Variants in GTPBP4 observed in about 807,000 individuals in gnomAD.
GTPBP4 encodes the protein GTP binding protein 4.
GTPBP4 carries 15 observed loss-of-function variants against 81.7 expected under a neutral mutation model. The observed-to-expected ratio is 0.18, with a 90% CI of 0.12 to 0.28. GTPBP4 has a LOEUF of 0.28. Ranked by LOEUF, GTPBP4 falls within the 10% of genes least tolerant of loss-of-function variation. The pLI is 1.00. For missense variants in GTPBP4, 847 were observed against 793.8 expected (o/e 1.07, Z -0.81); for synonymous variants, 272 against 274.6 (o/e 0.99, Z 0.09).
intron 8 of GTPBP4, among the ~76,000 whole-genome samples, chr10:1,001,958 C>T (rs1187377803): frequency 6.8e-6 from 1 of 147,314 alleles, no homozygotes; most frequent in Non-Finnish European, 1.5e-5. Context: ...GAGTCTCGCT[C>T]TGTCACTGAG....
intron 8 of GTPBP4, among the ~76,000 whole-genome samples, chr10:1,002,882 C>T (rs1271266368): frequency 2.0e-5 from 3 of 152,120 alleles, no homozygotes; most frequent in Admixed American, 6.5e-5. Context: ...CTATAATGTG[C>T]CTTGGGGAAG....
chr10:990,591 CGG>C (rs1333359334), intron 1 of GTPBP4, among the ~76,000 whole-genome samples: 1 of 151,294 alleles, frequency 6.6e-6, no homozygotes, highest in South Asian at 2.1e-4. Flanking sequence ...GGCGTGGTGG[CGG>C]GCGCCTGTAG....
chr10:1,002,947 C>T (rs1008152343), intron 8 of GTPBP4, among the ~76,000 whole-genome samples: 3 of 152,210 alleles, frequency 2.0e-5, no homozygotes, highest in African/African-American at 7.2e-5. Context: ...TTTTAGATGT[C>T]TATACCTCTC....
rs869154759 is a variant in GTPBP4, at chr10:989,114, C to CT, written c.48+610dup. 7.3e-3 allele frequency among the ~76,000 whole-genome samples: 747 copies of CT among 101,988 alleles called. 6 individuals carry two copies. The highest frequency in any genetic ancestry group is 0.032 in the East Asian group (116 of 3,588). 66.9% of individuals were successfully genotyped at this position (101,988 alleles called of 152,430 possible). A position where few individuals can be genotyped will look rare whatever the true frequency, so the allele number is the denominator to read the frequency against. ...AGTCAACAAGTGTTGAGTATTAGGA[C>CT]TTTTTTTTTTTTTTTTTTTTTTTGA... On this transcript the variant is annotated intron_variant, in intron 1 of 16. Coordinates refer to ENST00000360803, the MANE Select transcript of GTPBP4 (RefSeq NM_012341.3).
chr10:996,929 A>G (rs1831547071), intron 4 of GTPBP4: 1 of 408,464 alleles, frequency 2.4e-6, no homozygotes, highest in Admixed American at 4.3e-5. Context: ...ACTGCCAGAC[A>G]TGCTGTTGGC....
At chr10:995,798 CT>C in intron 2 of GTPBP4, 130 bp from the exon 3 acceptor site, 1 of 619,228 alleles carries the variant, frequency 1.6e-6, no homozygotes, top group South Asian at 2.0e-5. Context: ...GACAGGGCCC[CT>C]GGCCAGGAGA....
chr10:1,001,564 G>T (rs927991013), intron 8 of GTPBP4, among the ~76,000 whole-genome samples: 2 of 152,182 alleles, frequency 1.3e-5, no homozygotes, highest in Admixed American at 1.3e-4. Flanking sequence ...CACTGGTGGA[G>T]TGGCTTTCAA....
chr10:1,010,397 A>G, intron 12 of GTPBP4, 23 bp from the exon 13 acceptor site: 1 of 1,262,996 alleles, frequency 7.9e-7, no homozygotes, highest in Non-Finnish European at 1.2e-6. Flanking sequence ...CTGTAAACGT[A>G]ACCACCTTTT....
intron 11 of GTPBP4, 74 bp downstream of exon 11, chr10:1,009,109 G>A: frequency 1.7e-6 from 2 of 1,170,552 alleles, no homozygotes; most frequent in South Asian, 2.5e-5. Flanking sequence ...TGGGGGCCTG[G>A]GGCATCGAAC....
At chr10:991,470 C>G (rs1831441341) in intron 1 of GTPBP4, among the ~76,000 whole-genome samples, 2 of 152,084 alleles carry the variant, frequency 1.3e-5, no homozygotes, top group South Asian at 4.2e-4. Flanking sequence ...TCAAATAGTT[C>G]CCTTCCATCT....
chr10:990,591 C>T (rs1267539084), intron 1 of GTPBP4, among the ~76,000 whole-genome samples: 1 of 151,292 alleles, frequency 6.6e-6, no homozygotes, highest in Non-Finnish European at 1.5e-5. Context: ...GGCGTGGTGG[C>T]GGGCGCCTGT....
chr10:990,683 G>T (rs1052620449), intron 1 of GTPBP4, among the ~76,000 whole-genome samples: 3 of 139,628 alleles, frequency 2.1e-5, no homozygotes, highest in Admixed American at 1.5e-4. Flanking sequence ...AACCGAGATC[G>T]CGCCACTGCA....
In GTPBP4 at chr10:1,008,664, A is replaced by G. The variant is rs142518159; in HGVS notation, c.1114-294A>G. On this transcript the variant is annotated intron_variant, in intron 10 of 16. Transcript: ENST00000360803. ...TCTTCCATAATTTTTCATGATAATC[A>G]TGATTTCTGTTTTTCCTGGATAAAC... is the stretch of plus-strand genomic sequence containing the variant. Among the ~76,000 whole-genome samples, 4 of 152,260 alleles carry G rather than the reference A, an allele frequency of 2.6e-5. No individual in the cohort carries two copies. The East Asian group carries it at 7.7e-4, about 29-fold the overall frequency.
In GTPBP4 at chr10:1,012,492, G is replaced by T; in HGVS notation, c.1372G>T (p.Glu458Ter). 6.2e-7 allele frequency: 1 copy of T among 1,603,508 alleles called. No homozygotes were observed. The highest frequency in any genetic ancestry group is 8.5e-7 in the Non-Finnish European group (1 of 1,175,482). The part of the protein sequence containing the change: ...KKLEELEKEE[E>*]LRTAAGEYDS... ...ATTGGAAGAATTAGAAAAAGAAGAAGAGCTGAGAACAGCTGCTGGAGAGTA... is the reference window on the plus strand; with the variant it reads ...ATTGGAAGAATTAGAAAAAGAAGAATAGCTGAGAACAGCTGCTGGAGAGTA... The change falls in exon 14 of 17, where the codon GAG becomes TAG. Residue 458 changes from glutamate to a stop codon, truncating the protein, a stop_gained. Transcript: ENST00000360803. LOFTEE classifies it high-confidence loss of function.
At chr10:989,967 T>C (rs1831413867) in intron 1 of GTPBP4, among the ~76,000 whole-genome samples, 1 of 152,130 alleles carries the variant, frequency 6.6e-6, no homozygotes, top group Admixed American at 6.6e-5. Context: ...GAACTCCTAA[T>C]CTCAAGTGAT....
At chr10:990,166 G>C (rs1255161851) in intron 1 of GTPBP4, among the ~76,000 whole-genome samples, 1 of 152,130 alleles carries the variant, frequency 6.6e-6, no homozygotes, top group Non-Finnish European at 1.5e-5. Flanking sequence ...CTTATGTGGA[G>C]AACTTTAGAA....
Position 1,019,633 on chromosome 10 carries a change from C to T in GTPBP4, c.*2406C>T. On this transcript the variant is annotated 3_prime_UTR_variant, in exon 17 of 17. Transcript: ENST00000360803. ...CTTAGCCAGGGGGTGACTTTGACTT[C>T]ACCCCTCGCCTCCCTCTCCAGCAGC... 1 of 1,614,100 alleles carries T rather than the reference C, an allele frequency of 6.2e-7. No homozygotes were observed. The highest frequency in any genetic ancestry group is 8.5e-7 in the Non-Finnish European group (1 of 1,180,024).
chr10:1,001,145 C>A, intron 8 of GTPBP4, 132 bp downstream of exon 8: 1 of 650,728 alleles, frequency 1.5e-6, no homozygotes, highest in Non-Finnish European at 2.7e-6. Context: ...AGATAATATC[C>A]TCAGTGGTTT....
At chr10:1,014,456 A>C (rs1831939653) in intron 15 of GTPBP4, 144 bp downstream of exon 15, 1 of 575,360 alleles carries the variant, frequency 1.7e-6, no homozygotes, top group Admixed American at 2.6e-5. Flanking sequence ...GGGGTTCGAG[A>C]CCAGCCTGGC....
Sources: allele counts gnomAD v4.1 joint callset (sites outside exome capture counted in the v4.1 genomes callset), GRCh38; gene constraint gnomAD v4.1.1; transcripts MANE v1.5; gene names NCBI Gene and HGNC (gene_info 2026-07-23, HGNC 2026-07-21).